Variants in KSR2 observed in about 807,000 individuals in gnomAD.
KSR2 encodes kinase suppressor of ras 2.
KSR2 carries 25 observed loss-of-function variants against 107.8 expected under a neutral mutation model. That is an observed-to-expected ratio of 0.23 (90% CI 0.17 to 0.32). The LOEUF is 0.32. Ranked by LOEUF, KSR2 falls within the 10% of genes least tolerant of loss-of-function variation. The pLI is 1.00. For missense variants in KSR2, 887 were observed against 1,268.9 expected (o/e 0.70, Z 4.57); for synonymous variants, 480 against 507.0 (o/e 0.95, Z 0.71).
At chr12:117,748,893 ACAT>A (rs2136817481) in intron 4 of KSR2, among the ~76,000 whole-genome samples, 1 of 152,066 alleles carries the variant, frequency 6.6e-6, no homozygotes, top group South Asian at 2.1e-4. Flanking sequence ...AGGGGAGAAA[ACAT>A]AGCCCATAAA....
At chr12:117,687,112 C>G (rs1885605682) in intron 4 of KSR2, among the ~76,000 whole-genome samples, 1 of 152,190 alleles carries the variant, frequency 6.6e-6, no homozygotes, top group African/African-American at 2.4e-5. Flanking sequence ...TGATGCTGCT[C>G]CCTCTTTTCC....
chr12:117,618,659 A>G (rs1882011418), intron 5 of KSR2, among the ~76,000 whole-genome samples: 1 of 152,072 alleles, frequency 6.6e-6, no homozygotes, highest in Non-Finnish European at 1.5e-5. Flanking sequence ...AATAAGTCTC[A>G]TAAGATCTGA....
Position 117,772,587 on chromosome 12 carries a change from TC to T in KSR2, c.473-11064del, listed in dbSNP as rs540550712. On this transcript the variant is annotated intron_variant, in intron 3 of 19. Transcript: ENST00000339824. The stretch of plus-strand genomic sequence containing the variant: ...ACACACACTCATACACACACACCAT[TC>T]CCCCAAAGACGCACACACACACATA... Among the ~76,000 whole-genome samples, 158 of 98,832 alleles carry T rather than the reference TC, an allele frequency of 1.6e-3. 5 individuals carry two copies. In the South Asian group the frequency reaches 0.051, roughly 32 times the overall value. The allele number at this position is 98,832 out of a possible 152,430, so 64.8% of individuals were successfully genotyped here. A position where few individuals can be genotyped will look rare whatever the true frequency, so the allele number is the denominator to read the frequency against.
At chr12:117,818,359 GCCTAGGGCACGTTGTGTGC>G (rs1028046770) in intron 3 of KSR2, among the ~76,000 whole-genome samples, 5 of 152,260 alleles carry the variant, frequency 3.3e-5, no homozygotes, top group Middle Eastern at 3.4e-3. Context: ...GGTTTGTGTG[GCCTAGGGCACGTTGTGTGC>G]CCTAGGGCAC....
intron 1 of KSR2, among the ~76,000 whole-genome samples, chr12:117,872,527 T>G (rs1401538943): frequency 1.3e-5 from 2 of 151,142 alleles, no homozygotes; most frequent in East Asian, 3.9e-4. Flanking sequence ...ATCACACCAC[T>G]GCAGTCCCAC....
At chr12:117,827,171 G>T (rs1891791516) in intron 3 of KSR2, among the ~76,000 whole-genome samples, 1 of 152,116 alleles carries the variant, frequency 6.6e-6, no homozygotes, top group South Asian at 2.1e-4. Flanking sequence ...AAAAGAGAAT[G>T]AAGTCTGCCT....
At chr12:117,631,622 T>C (rs1264799366) in intron 5 of KSR2, among the ~76,000 whole-genome samples, 3 of 152,204 alleles carry the variant, frequency 2.0e-5, no homozygotes, top group African/African-American at 7.2e-5. Flanking sequence ...ATAATATAGC[T>C]AGATAATCTT....
At chr12:117,776,640 C>G (rs1159428682) in intron 3 of KSR2, among the ~76,000 whole-genome samples, 1 of 152,088 alleles carries the variant, frequency 6.6e-6, no homozygotes, top group African/African-American at 2.4e-5. Context: ...TCGCTGTCAT[C>G]TCACTACAGC....
At chr12:117,535,595 T>G (rs1039525542) in intron 10 of KSR2, among the ~76,000 whole-genome samples, 1 of 140,568 alleles carries the variant, frequency 7.1e-6, no homozygotes, top group African/African-American at 2.7e-5. Flanking sequence ...AATTCACCAT[T>G]TCCTGGAGTT....
intron 4 of KSR2, among the ~76,000 whole-genome samples, chr12:117,739,198 A>G (rs1248311109): frequency 6.6e-6 from 1 of 152,178 alleles, no homozygotes; most frequent in East Asian, 1.9e-4. Context: ...TACTAAAAAT[A>G]CAAAAAATTA....
rs141610369 is a variant in KSR2 at position 117,858,552 on chromosome 12, A to G, written c.321+1739T>C. Among the ~76,000 whole-genome samples the G allele has an allele frequency of 1.7e-3, 262 of 152,340 alleles. No individual in the cohort carries two copies. The Middle Eastern group carries it at 0.02, about 12-fold the overall frequency. ...GGGTGAGATTCTTGTCCCTGCGGAC[A>G]AGGTCTAAAAAAGACAGGAAGCCTC... On this transcript the variant is annotated intron_variant, in intron 2 of 19. Transcript: ENST00000339824.
chr12:117,914,266 T>G (rs1403370773), intron 1 of KSR2, among the ~76,000 whole-genome samples: 1 of 151,760 alleles, frequency 6.6e-6, no homozygotes, highest in African/African-American at 2.4e-5. Context: ...CCACCTCTAC[T>G]AAAAATACAA....
chr12:117,761,583 A>C, intron 3 of KSR2, 59 bp from the exon 4 acceptor site: 1 of 1,463,636 alleles, frequency 6.8e-7, no homozygotes, highest in African/African-American at 1.4e-5. Flanking sequence ...CAGGTGAGTT[A>C]CACCATACAC....
At chr12:117,517,849 T>C (rs764529069) in intron 14 of KSR2, 1 of 455,940 alleles carries the variant, frequency 2.2e-6, no homozygotes, top group South Asian at 1.5e-5. Context: ...ACAATCAAAC[T>C]GGCCTGAAGA....
At chr12:117,744,836 A>G (rs151204475) in intron 4 of KSR2, among the ~76,000 whole-genome samples, 223 of 152,328 alleles carry the variant, frequency 1.5e-3, no homozygotes, top group Admixed American at 2.3e-3. Flanking sequence ...TATCCTCCAC[A>G]GTGTTATTGA....
intron 5 of KSR2, among the ~76,000 whole-genome samples, chr12:117,624,660 T>G (rs576371343): frequency 1.9e-3 from 283 of 152,286 alleles, no homozygotes; most frequent in African/African-American, 6.4e-3. Context: ...TGCCTCCAGC[T>G]TTGTTCTTTT....
At chr12:117,626,897 G>C (rs1882549046) in intron 5 of KSR2, among the ~76,000 whole-genome samples, 1 of 152,074 alleles carries the variant, frequency 6.6e-6, no homozygotes, top group Non-Finnish European at 1.5e-5. Context: ...TCCTGTATTG[G>C]GTGCATATAA....
rs1895108520 is a variant in KSR2 at position 117,914,186 on chromosome 12, T to C, written c.181-53755A>G. On this transcript the variant is annotated intron_variant, in intron 1 of 19. Transcript: ENST00000339824. ...GCTCACACCTGTAATCCCACTACTT[T>C]GTGGGGCCAAGATGGCCAGATTGCT... Among the ~76,000 whole-genome samples the C allele has an allele frequency of 3.3e-5, 5 of 152,142 alleles. No homozygotes were observed. In the South Asian group the frequency reaches 8.3e-4, roughly 25 times the overall value.
rs1896225882 is a variant in KSR2, at chr12:117,947,249, G to GAAAGAAAGAAAGAAAGAAAGAAAA, written c.180+20826_180+20827insTTTTCTTTCTTTCTTTCTTTCTTT. 2.4e-5 allele frequency among the ~76,000 whole-genome samples: 3 copies of GAAAGAAAGAAAGAAAGAAAGAAAA among 124,180 alleles called. No individual in the cohort carries two copies. In the South Asian group the frequency reaches 8.2e-4, roughly 34 times the overall value. 81.5% of individuals were successfully genotyped at this position (124,180 alleles called of 152,430 possible). A position where few individuals can be genotyped will look rare whatever the true frequency, so the allele number is the denominator to read the frequency against. On this transcript the variant is annotated intron_variant, in intron 1 of 19. Coordinates refer to ENST00000339824, the MANE Select transcript of KSR2 (RefSeq NM_173598.6). ...AGAAAGAAAGAAAGAAAGAAAGAAA[G>GAAAGAAAGAAAGAAAGAAAGAAAA]AAAGAAAGAAGATAAACCACATGAC... is the stretch of plus-strand genomic sequence containing the variant.
Sources: allele counts gnomAD v4.1 joint callset (sites outside exome capture counted in the v4.1 genomes callset), GRCh38; gene constraint gnomAD v4.1.1; transcripts MANE v1.5; gene names NCBI Gene and HGNC (gene_info 2026-07-23, HGNC 2026-07-21).